The following ZNF100 variants were observed in gnomAD, a reference collection of about 807,000 sequenced individuals.
ZNF100 encodes the protein zinc finger protein 100.
ZNF100 carries 12 observed loss-of-function variants against 15.8 expected under a neutral mutation model. The ratio of observed to expected loss-of-function variants is 0.76; its 90% CI spans 0.49 to 1.23. ZNF100 has a LOEUF of 1.23. Ranked by LOEUF, ZNF100 falls within the 50% of genes most tolerant of loss-of-function variation. The pLI is 0.00. For missense variants in ZNF100, 670 were observed against 635.6 expected (o/e 1.05, Z -0.58); for synonymous variants, 226 against 214.8 (o/e 1.05, Z -0.45).
intron 4 of ZNF100, among the ~76,000 whole-genome samples, chr19:21,741,122 AATATT>A (rs1463102239): frequency 3.9e-5 from 6 of 152,072 alleles, no homozygotes; most frequent in South Asian, 2.1e-4. Context: ...AAACTTTGAG[AATATT>A]ATGTCATCTG....
At chr19:21,753,247 G>T (rs2036339644) in intron 2 of ZNF100, 1 of 151,944 alleles carries the variant, frequency 6.6e-6, no homozygotes, top group African/African-American at 2.4e-5. Flanking sequence ...AACATATCGG[G>T]ACCCCATCTC....
chr19:21,761,010 A>G (rs2145744915), intron 2 of ZNF100, among the ~76,000 whole-genome samples: 1 of 152,082 alleles, frequency 6.6e-6, no homozygotes, highest in East Asian at 1.9e-4. Flanking sequence ...TGCCCGCTTC[A>G]GCCTCCCAAA....
chr19:21,740,956 T>C (rs548597406), intron 4 of ZNF100, among the ~76,000 whole-genome samples: 16 of 152,184 alleles, frequency 1.1e-4, no homozygotes, highest in Admixed American at 2.6e-4. Context: ...GAAGACATAT[T>C]TGAACATCTA....
chr19:21,742,986 T>C (rs998061104), intron 4 of ZNF100: 2 of 152,098 alleles, frequency 1.3e-5, no homozygotes, highest in Non-Finnish European at 2.9e-5. Flanking sequence ...TCCCAACACT[T>C]TGGGAGGCCG....
intron 4 of ZNF100, among the ~76,000 whole-genome samples, chr19:21,731,366 T>C (rs572165538): frequency 4.0e-5 from 6 of 150,762 alleles, no homozygotes; most frequent in African/African-American, 1.5e-4. Flanking sequence ...TGGAGTGCAG[T>C]GGCATGATCT....
intron 2 of ZNF100, among the ~76,000 whole-genome samples, chr19:21,759,284 T>C (rs2036441319): frequency 6.6e-6 from 1 of 151,916 alleles, no homozygotes; most frequent in Non-Finnish European, 1.5e-5. Context: ...AAAAATCAAA[T>C]AGAAGAAATG....
At chr19:21,740,079 C>T (rs934927622) in intron 4 of ZNF100, among the ~76,000 whole-genome samples, 3 of 152,094 alleles carry the variant, frequency 2.0e-5, no homozygotes, top group Non-Finnish European at 2.9e-5. Flanking sequence ...GATTTTAAAA[C>T]ATTAAAAGCT....
rs775617898 is a variant in ZNF100 at position 21,726,797 on chromosome 19, T to A, written c.1515A>T (p.Ile505=). 6.2e-6 allele frequency: 10 copies of A among 1,613,688 alleles called. No homozygotes were observed. In the South Asian group the frequency reaches 9.9e-5, roughly 16 times the overall value. The change falls in exon 5 of 5, where the codon ATA becomes ATT. Residue 505 remains isoleucine (I), a synonymous_variant. Coordinates refer to ENST00000358296, the MANE Select transcript of ZNF100 (RefSeq NM_173531.4). The part of the protein sequence containing the change: ...NRSSTLTKHK[I]THTGEKSYKW... ...TGTAAGATTTCTCTCCAGTATGAGT[T>A]ATCTTATGTTTAGTAAGGGTTGAGG...
intron 4 of ZNF100, among the ~76,000 whole-genome samples, chr19:21,732,897 A>G (rs926012239): frequency 6.6e-6 from 1 of 152,150 alleles, no homozygotes; most frequent in Admixed American, 6.6e-5. Flanking sequence ...ATAAAAATTC[A>G]GGGCATTTAT....
Position 21,727,548 on chromosome 19 carries a change from T to C in ZNF100, c.764A>G (p.His255Arg). 6.2e-7 allele frequency: 1 copy of C among 1,613,960 alleles called. No homozygotes were observed. Among genetic ancestry groups the C allele is most frequent in the Non-Finnish European group, 8.5e-7 (1 of 1,179,896 alleles). The change falls in exon 5 of 5, where the codon CAT becomes CGT. Residue 255 changes from histidine (H) to arginine (R), a missense_variant. Coordinates refer to ENST00000358296, the MANE Select transcript of ZNF100 (RefSeq NM_173531.4). ...ACATTTGTAGGGTTTCTCTCCAGTA[T>C]GAATTCTCCTGTGTGTAGTAAGGGT... is the stretch of plus-strand genomic sequence containing the variant. Reference protein sequence around the residue: ...FSTLTTHRRIHTGEKPYKCEE... With the variant: ...FSTLTTHRRIRTGEKPYKCEE...
chr19:21,727,601 A>G lies in ZNF100; in HGVS notation c.711T>C (p.Asp237=). Residue 237 remains aspartate (D), a synonymous_variant, in exon 5 of 5, where the codon GAT becomes GAC. Transcript: ENST00000358296. ...HITENSYQCK[D]CGKAFNWFST... is the part of the protein sequence containing the mutation. ...AGAACCAGTTGAAGGCTTTGCCACAATCTTTACATTGGTAGGAATTCTCTG... is the reference window on the plus strand; with the variant it reads ...AGAACCAGTTGAAGGCTTTGCCACAGTCTTTACATTGGTAGGAATTCTCTG... 6.2e-7 allele frequency: 1 copy of G among 1,612,876 alleles called. No homozygotes were observed. The highest frequency in any genetic ancestry group is 8.5e-7 in the Non-Finnish European group (1 of 1,179,474).
At chr19:21,757,980 T>G (rs1213215832) in intron 2 of ZNF100, among the ~76,000 whole-genome samples, 1 of 151,834 alleles carries the variant, frequency 6.6e-6, no homozygotes, top group Non-Finnish European at 1.5e-5. Context: ...GAGGCTGAAG[T>G]GAGCCACAAC....
In ZNF100 at chr19:21,726,950, C is replaced by T. The variant is rs1166483966; in HGVS notation, c.1362G>A (p.Glu454=). ...CACATTCGTCACATTTGTAGGGTTT[C>T]TCTCCAGTATGAATCATCTTATGGG... The part of the protein sequence containing the change: ...LTTHKMIHTG[E]KPYKCDECGK... The change falls in exon 5 of 5, where the codon GAG becomes GAA. Residue 454 remains glutamate (E), a synonymous_variant. Coordinates refer to ENST00000358296, the MANE Select transcript of ZNF100 (RefSeq NM_173531.4). The T allele has an allele frequency of 1.9e-6, 3 of 1,611,320 alleles. No homozygotes were observed. Among genetic ancestry groups the T allele is most frequent in the South Asian group, 2.2e-5 (2 of 90,418 alleles).
chr19:21,752,784 G>C (rs2036329976), intron 2 of ZNF100: 1 of 152,214 alleles, frequency 6.6e-6, no homozygotes, highest in African/African-American at 2.4e-5. Context: ...TACTGCAGCA[G>C]GAGTATAAAT....
intron 2 of ZNF100, among the ~76,000 whole-genome samples, chr19:21,763,588 CG>C (rs112074338): frequency 2.0e-5 from 3 of 151,912 alleles, no homozygotes; most frequent in Admixed American, 6.6e-5. Context: ...GACTCCATCC[CG>C]GGGGGAAAAA....
intron 2 of ZNF100, chr19:21,751,433 C>G (rs906944502): frequency 1.2e-6 from 1 of 838,776 alleles, no homozygotes; most frequent in South Asian, 1.3e-5. Context: ...TGTTCATACT[C>G]TTTTTAGTGC....
chr19:21,765,824 G>C, intron 1 of ZNF100, 38 bp from the exon 2 acceptor site: 4 of 1,588,440 alleles, frequency 2.5e-6, no homozygotes, highest in Non-Finnish European at 3.5e-6. Flanking sequence ...ACATTCACTA[G>C]GCACTTTAGC....
chr19:21,740,326 A>C (rs185472211), intron 4 of ZNF100, among the ~76,000 whole-genome samples: 1 of 152,192 alleles, frequency 6.6e-6, no homozygotes, highest in Non-Finnish European at 1.5e-5. Flanking sequence ...TCAATAAAAT[A>C]CTTACATAAA....
chr19:21,732,696 C>T (rs181713945), intron 4 of ZNF100, among the ~76,000 whole-genome samples: 39 of 150,746 alleles, frequency 2.6e-4, no homozygotes, highest in African/African-American at 8.0e-4. Flanking sequence ...GTATTGGATG[C>T]CATCAAGTAG....
Sources: allele counts gnomAD v4.1 joint callset (sites outside exome capture counted in the v4.1 genomes callset), GRCh38; gene constraint gnomAD v4.1.1; transcripts MANE v1.5; gene names NCBI Gene and HGNC (gene_info 2026-07-23, HGNC 2026-07-21).